Variants in TENM3 observed in about 807,000 individuals in gnomAD.
TENM3 encodes the protein teneurin transmembrane protein 3.
Under a neutral mutation model 255.1 loss-of-function variants are expected in TENM3, and 63 were observed. The ratio of observed to expected loss-of-function variants is 0.25; its 90% confidence interval spans 0.20 to 0.30. TENM3 has a LOEUF of 0.30. Among genes scored for constraint, TENM3 ranks in the 10% least tolerant of loss-of-function variants. The probability of loss-of-function intolerance (pLI) is 1.00; values close to 1 mark genes in which losing one functional copy is unlikely to be tolerated. For missense variants in TENM3, 2,929 were observed against 3,461.1 expected, an observed-to-expected ratio of 0.85 and a Z score of 3.86; for synonymous variants, 1,306 against 1,322.3, an observed-to-expected ratio of 0.99 and a Z score of 0.27.
At chr4:181,514,605 G>A in the TENM3 span, among the ~76,000 whole-genome samples, 3 of 152,246 alleles carry the variant, frequency 2.0e-5, no homozygotes, top group East Asian at 5.8e-4. Context: ...GAGCCTTGTT[G>A]AGGCAGTGTG....
the TENM3 span, among the ~76,000 whole-genome samples, chr4:181,857,085 G>T: frequency 0.17 from 25,388 of 152,064 alleles, 4,017 homozygotes; most frequent in East Asian, 0.43. Flanking sequence ...AGATAGGCAA[G>T]TAAATTACTT....
the TENM3 span, among the ~76,000 whole-genome samples, chr4:181,685,926 T>C: frequency 6.6e-6 from 1 of 152,186 alleles, no homozygotes; most frequent in African/African-American, 2.4e-5. Context: ...TTTTCAAATA[T>C]TGTTCTCAGG....
chr4:181,737,522 T>C, the TENM3 span, among the ~76,000 whole-genome samples: 1 of 152,084 alleles, frequency 6.6e-6, no homozygotes, highest in Non-Finnish European at 1.5e-5. Context: ...CACAAGACCA[T>C]ATGTAACTTC....
the TENM3 span, among the ~76,000 whole-genome samples, chr4:182,089,061 G>C: frequency 6.6e-6 from 1 of 152,126 alleles, no homozygotes; most frequent in Admixed American, 6.5e-5. Context: ...GTATGGCTCA[G>C]AAGACAGTGG....
intron 5 of TENM3, among the ~76,000 whole-genome samples, chr4:182,633,456 C>G (rs916107584): frequency 6.6e-6 from 1 of 152,028 alleles, no homozygotes; most frequent in African/African-American, 2.4e-5. Flanking sequence ...AGAAGAAAGG[C>G]GATACCTACG....
chr4:181,601,724 G>A, the TENM3 span, among the ~76,000 whole-genome samples: 1 of 151,982 alleles, frequency 6.6e-6, no homozygotes, highest in South Asian at 2.1e-4. Flanking sequence ...GCCCCGTCAC[G>A]TTAGACTGGA....
chr4:181,580,641 C>A, the TENM3 span, among the ~76,000 whole-genome samples: 1 of 152,128 alleles, frequency 6.6e-6, no homozygotes, highest in Non-Finnish European at 1.5e-5. Context: ...CCCAGACCCC[C>A]CTGAGAGGAG....
the TENM3 span, among the ~76,000 whole-genome samples, chr4:181,565,207 C>G: frequency 6.6e-6 from 1 of 152,206 alleles, no homozygotes; most frequent in Non-Finnish European, 1.5e-5. Context: ...CAAACTGTCC[C>G]ATGACCTTCA....
the TENM3 span, among the ~76,000 whole-genome samples, chr4:181,672,913 C>T: frequency 0.055 from 8,375 of 152,276 alleles, 328 homozygotes; most frequent in Middle Eastern, 0.16. Context: ...TAGCTGAGGA[C>T]TGATGCCCTC....
the TENM3 span, among the ~76,000 whole-genome samples, chr4:181,831,948 A>G: frequency 1.3e-5 from 2 of 149,590 alleles, no homozygotes; most frequent in Non-Finnish European, 3.0e-5. Flanking sequence ...ACATCTATAC[A>G]GTAATATATA....
chr4:181,525,465 C>G, the TENM3 span, among the ~76,000 whole-genome samples: 1 of 149,034 alleles, frequency 6.7e-6, no homozygotes, highest in South Asian at 2.2e-4. Context: ...CAAATCATAT[C>G]TCCCCCTGAC....
At chr4:182,482,244 C>T (rs1580702674) in intron 3 of TENM3, among the ~76,000 whole-genome samples, 2 of 152,062 alleles carry the variant, frequency 1.3e-5, no homozygotes, top group African/African-American at 4.8e-5. Context: ...ACTATAAATA[C>T]GTTTGGCTTA....
At chr4:181,639,688 C>T in the TENM3 span, among the ~76,000 whole-genome samples, 4 of 152,212 alleles carry the variant, frequency 2.6e-5, no homozygotes, top group South Asian at 2.1e-4. Flanking sequence ...TGCAGTGGGC[C>T]GAGATCACGC....
the TENM3 span, among the ~76,000 whole-genome samples, chr4:182,071,515 G>A: frequency 2.7e-5 from 4 of 146,718 alleles, no homozygotes; most frequent in Admixed American, 7.0e-5. Flanking sequence ...GCGCGATCTC[G>A]GCTCGCTGCA....
At chr4:181,580,693 A>G in the TENM3 span, among the ~76,000 whole-genome samples, 1 of 152,102 alleles carries the variant, frequency 6.6e-6, no homozygotes, top group Non-Finnish European at 1.5e-5. Flanking sequence ...GAGAGAGAGG[A>G]GAGAGATGCT....
the TENM3 span, among the ~76,000 whole-genome samples, chr4:181,950,196 G>T: frequency 4.6e-5 from 7 of 151,926 alleles, no homozygotes; most frequent in Non-Finnish European, 1.0e-4. Flanking sequence ...GGCTCAAAAA[G>T]CTCCCCCACT....
At chr4:181,665,697 C>T in the TENM3 span, among the ~76,000 whole-genome samples, 18 of 151,958 alleles carry the variant, frequency 1.2e-4, no homozygotes, top group Admixed American at 8.5e-4. Flanking sequence ...TATACACACA[C>T]GTACCCTGTT....
the TENM3 span, among the ~76,000 whole-genome samples, chr4:181,682,020 G>C: frequency 9.2e-5 from 14 of 152,174 alleles, no homozygotes; most frequent in Non-Finnish European, 1.3e-4. Context: ...ATTCCTTTGA[G>C]CTGAATTTAG....
At chr4:181,496,764 G>T in the TENM3 span, among the ~76,000 whole-genome samples, 3 of 152,134 alleles carry the variant, frequency 2.0e-5, no homozygotes, top group Admixed American at 6.6e-5. Flanking sequence ...ACCTCTAAGT[G>T]TTACCATTAC....
Sources: allele counts gnomAD v4.1 joint callset (sites outside exome capture counted in the v4.1 genomes callset), GRCh38; gene constraint gnomAD v4.1.1; transcripts MANE v1.5; gene names NCBI Gene and HGNC (gene_info 2026-07-23, HGNC 2026-07-21).